FOXN1: variants seen among roughly 807,000 people sequenced by gnomAD.
The protein encoded by FOXN1 is forkhead box N1.
A neutral mutation model predicts 49.0 loss-of-function variants in FOXN1; 15 were observed. That is an observed-to-expected ratio of 0.31 (90% CI 0.20 to 0.47). The LOEUF is 0.47. Ranked by LOEUF, FOXN1 falls within the 20% of genes least tolerant of loss-of-function variation. FOXN1 has a pLI of 1.00. For synonymous variants in FOXN1, 356 were observed against 369.0 expected, an observed-to-expected ratio of 0.96 and a Z score of 0.40; for missense variants, 800 against 842.8, an observed-to-expected ratio of 0.95 and a Z score of 0.63.
At chr17:28,523,851 G>A (rs566676585) in intron 1 of FOXN1, 105 bp from the exon 2 acceptor site, 3 of 941,122 alleles carry the variant, frequency 3.2e-6, no homozygotes, top group Non-Finnish European at 5.2e-6. Flanking sequence ...GCTGACTGGA[G>A]GCAGGGTCCC....
At chr17:28,526,237 C>T (rs1234321840) in intron 3 of FOXN1, among the ~76,000 whole-genome samples, 1 of 152,224 alleles carries the variant, frequency 6.6e-6, no homozygotes, top group Non-Finnish European at 1.5e-5. Flanking sequence ...TCAGCCCCAT[C>T]ATCTGTCAAA....
intron 4 of FOXN1, among the ~76,000 whole-genome samples, chr17:28,528,173 T>C (rs1181261035): frequency 6.6e-6 from 1 of 152,150 alleles, no homozygotes; most frequent in Non-Finnish European, 1.5e-5. Flanking sequence ...GGAGAGGGGC[T>C]GGGTCAGACT....
intron 5 of FOXN1, 97 bp downstream of exon 5, chr17:28,529,321 C>A (rs2069850356): frequency 6.8e-7 from 1 of 1,463,754 alleles, no homozygotes; most frequent in Non-Finnish European, 9.5e-7. Context: ...CCAGTAATGG[C>A]AGCAGGTGGA....
intron 1 of FOXN1, among the ~76,000 whole-genome samples, chr17:28,520,953 G>A (rs144335238): frequency 6.6e-6 from 1 of 152,198 alleles, no homozygotes; most frequent in African/African-American, 2.4e-5. Context: ...CCCCAGGACT[G>A]CCAGGCCTGA....
At chr17:28,533,551 ACACT>A (rs953329028) in intron 6 of FOXN1, among the ~76,000 whole-genome samples, 20 of 147,066 alleles carry the variant, frequency 1.4e-4, no homozygotes, top group African/African-American at 4.8e-4. Context: ...ACTCATGCAA[ACACT>A]CACACCCACA....
At chr17:28,523,470 A>C (rs1438035226) in intron 1 of FOXN1, among the ~76,000 whole-genome samples, 1 of 152,166 alleles carries the variant, frequency 6.6e-6, no homozygotes, top group Non-Finnish European at 1.5e-5. Flanking sequence ...CACCCCAAGC[A>C]TGAGTCTGAC....
intron 6 of FOXN1, among the ~76,000 whole-genome samples, chr17:28,533,491 C>CCCG (rs1272593524): frequency 1.3e-5 from 2 of 150,540 alleles, no homozygotes; most frequent in African/African-American, 5.0e-5. Flanking sequence ...GAGCACCCCC[C>CCCG]CCCACTGCCT....
At chr17:28,529,246 G>T (rs1457511715) in intron 5 of FOXN1, 22 bp downstream of exon 5, 3 of 1,613,550 alleles carry the variant, frequency 1.9e-6, no homozygotes, top group African/African-American at 2.7e-5. Flanking sequence ...ACTCTCCAGG[G>T]ATGGGAGGAG....
At chr17:28,524,387 G>A (rs2069714261) in intron 2 of FOXN1, 116 bp from the exon 3 acceptor site, 6 of 946,664 alleles carry the variant, frequency 6.3e-6, no homozygotes, top group Non-Finnish European at 1.7e-6. Context: ...ACCATTTAGG[G>A]TCTTCCCAGA....
chr17:28,529,179 C>T lies in FOXN1; in HGVS notation c.785C>T (p.Thr262Ile). Reference protein sequence around the residue: ...QYQRMAPQASTDGHQPLFPKP... With the variant: ...QYQRMAPQASIDGHQPLFPKP... ...CAGCGAATGGCACCCCAGGCCAGCACCGATGGGCACCAGCCTCTCTTCCCA... is the reference window on the plus strand; with the variant it reads ...CAGCGAATGGCACCCCAGGCCAGCATCGATGGGCACCAGCCTCTCTTCCCA... Residue 262 changes from threonine to isoleucine, a missense_variant, in exon 5 of 9, where the codon ACC becomes ATC. Thr to Ile is a moderately conservative substitution (Grantham distance 89, BLOSUM62 -1). Around this residue, in one of 3 missense-constraint regions of FOXN1, gnomAD observed 383 missense variants for 357.9 expected, o/e 1.07. Transcript: ENST00000579795. 1.9e-6 allele frequency: 3 copies of T among 1,614,200 alleles called. No individual in the cohort carries two copies. Among genetic ancestry groups the T allele is most frequent in the Non-Finnish European group, 2.5e-6 (3 of 1,180,026 alleles).
chr17:28,517,143 G>A (rs1310231477), intron 1 of FOXN1, among the ~76,000 whole-genome samples: 6 of 123,658 alleles, frequency 4.9e-5, no homozygotes, highest in African/African-American at 1.8e-4. Context: ...ATCTCCACAG[G>A]GTACACACCT....
At chr17:28,509,900 G>A (rs977229136) in intron 1 of FOXN1, among the ~76,000 whole-genome samples, 1 of 152,154 alleles carries the variant, frequency 6.6e-6, no homozygotes, top group African/African-American at 2.4e-5. Flanking sequence ...GATTAGGAGT[G>A]CGCATCCCCG....
At chr17:28,531,818 C>A (rs1351597841) in intron 6 of FOXN1, among the ~76,000 whole-genome samples, 4 of 152,176 alleles carry the variant, frequency 2.6e-5, no homozygotes, top group African/African-American at 9.7e-5. Context: ...TATGGTCCTG[C>A]CTGGGGATAA....
At chr17:28,525,150 G>A (rs760173333) in intron 3 of FOXN1, among the ~76,000 whole-genome samples, 183 bp downstream of exon 3, 48 of 152,112 alleles carry the variant, frequency 3.2e-4, no homozygotes, top group South Asian at 6.2e-4. Flanking sequence ...AGCATGGAGG[G>A]GGGCAAGTGG....
chr17:28,510,439 G>A (rs1347703154), intron 1 of FOXN1, among the ~76,000 whole-genome samples: 3 of 151,094 alleles, frequency 2.0e-5, no homozygotes, highest in African/African-American at 7.3e-5. Flanking sequence ...TGCATCCCTG[G>A]AACCAGATTG....
At chr17:28,525,061 C>A (rs1249480758) in intron 3 of FOXN1, 94 bp downstream of exon 3, 7 of 997,120 alleles carry the variant, frequency 7.0e-6, no homozygotes, top group Non-Finnish European at 1.1e-5. Context: ...AAAGTCCCAC[C>A]TTCTCTTTGC....
Position 28,537,518 on chromosome 17 carries a change from G to A in FOXN1, c.*82G>A. ...CGCCCACATCGGGCTCACCTTAAAG[G>A]TCAAGGAAGGAAAATACTACCTGTC... On this transcript the variant is annotated 3_prime_UTR_variant, in exon 9 of 9. Coordinates refer to ENST00000579795, the MANE Select transcript of FOXN1 (RefSeq NM_001369369.1). 3 of 1,099,610 alleles carry A rather than the reference G, an allele frequency of 2.7e-6. No individual in the cohort carries two copies. The highest frequency in any genetic ancestry group is 4.1e-6 in the Non-Finnish European group (3 of 726,854). The allele number at this position is 1,099,610 out of a possible 1,614,324, so 68.1% of individuals were successfully genotyped here.
chr17:28,524,078 C>T lies in FOXN1; in HGVS notation c.109C>T (p.Pro37Ser). ...GCAGGCACCGGGCCTCCCAGGCTCC[C>T]CTGCCCCACAGAGTGTAAGTACCCG... ...LMQAPGLPGS[P>S]APQSKHAGFS... The change falls in exon 2 of 9, where the codon CCT (proline) becomes TCT (serine). Residue 37 changes from proline to serine, a missense_variant. Around this residue, in one of 3 missense-constraint regions of FOXN1, gnomAD observed 383 missense variants for 357.9 expected, o/e 1.07. Coordinates refer to ENST00000579795, the MANE Select transcript of FOXN1 (RefSeq NM_001369369.1). 3 of 1,604,374 alleles carry T rather than the reference C, an allele frequency of 1.9e-6. No homozygotes were observed. The highest frequency in any genetic ancestry group is 2.5e-6 in the Non-Finnish European group (3 of 1,176,768).
chr17:28,534,823 G>A lies in FOXN1; in HGVS notation c.1252G>A (p.Gly418Ser). ...CATCCGGCCCCTGGCACCCCCAGCT[G>A]GCCTCTCCCCACCACTGCACTCACT... ...GPIRPLAPPA[G>S]LSPPLHSLHP... The change falls in exon 8 of 9, where the codon GGC (glycine) becomes AGC (serine). Residue 418 changes from glycine to serine, a missense_variant. Around this residue, in one of 3 missense-constraint regions of FOXN1, gnomAD observed 344 missense variants for 366.1 expected, o/e 0.94. Coordinates refer to ENST00000579795, the MANE Select transcript of FOXN1 (RefSeq NM_001369369.1). This position sits in a 1 kb window ranked among gnomAD's most constrained non-coding sequence, Gnocchi z 4.1. 6.2e-7 allele frequency: 1 copy of A among 1,613,818 alleles called. No homozygotes were observed. Among genetic ancestry groups the A allele is most frequent in the Non-Finnish European group, 8.5e-7 (1 of 1,179,794 alleles).
Sources: allele counts gnomAD v4.1 joint callset (sites outside exome capture counted in the v4.1 genomes callset), GRCh38; gene constraint gnomAD v4.1.1; regional missense constraint gnomAD v4.1.1; non-coding constraint Gnocchi (gnomAD v3.1); transcripts MANE v1.5; gene names NCBI Gene and HGNC (gene_info 2026-07-23, HGNC 2026-07-21).